Variants in KIF26B observed in about 807,000 individuals in gnomAD.
The protein encoded by KIF26B is kinesin family member 26B.
In KIF26B, 63 loss-of-function variants were observed where a neutral mutation model predicts 151.2. The observed-to-expected ratio is 0.42, with a 90% CI of 0.34 to 0.51. The LOEUF is 0.51. Among genes scored for constraint, KIF26B ranks in the 20% least tolerant of loss-of-function variants. The pLI is 0.07. For synonymous variants in KIF26B, 1,357 were observed against 1,262.1 expected (o/e 1.08, Z -1.59); for missense variants, 2,813 against 2,913.6 (o/e 0.97, Z 0.79).
chr1:245,536,221 G>C (rs1661485737), intron 4 of KIF26B, among the ~76,000 whole-genome samples: 1 of 152,144 alleles, frequency 6.6e-6, no homozygotes, highest in East Asian at 1.9e-4. Context: ...AATGGCTTAT[G>C]AAAGTATCTG....
Position 245,156,284 on chromosome 1 carries a change from G to T in KIF26B, c.66G>T (p.Val22=), listed in dbSNP as rs989265794. 61 of 1,546,598 alleles carry T rather than the reference G, an allele frequency of 3.9e-5. No individual in the cohort carries two copies. The highest frequency in any genetic ancestry group is 5.2e-5 in the Non-Finnish European group (60 of 1,145,970). The change falls in exon 2 of 15, where the codon GTG becomes GTT. Residue 22 remains valine (V), a splice_region_variant and synonymous_variant. Transcript: ENST00000407071. ...ACACCGGCGTGTCTTCCCCGCAGGT[G>T]AATGAAGTCTGCTCGCCCACCAAGC... The part of the protein sequence containing the change: ...AVSTRGKKYG[V]NEVCSPTKPA...
intron 2 of KIF26B, among the ~76,000 whole-genome samples, chr1:245,284,963 T>C (rs528393442): frequency 2.2e-4 from 33 of 152,316 alleles, no homozygotes; most frequent in Admixed American, 1.9e-3. Context: ...CACTTGAACC[T>C]GGGAGGTGGA....
At chr1:245,651,927 T>C (rs6669327) in intron 10 of KIF26B, among the ~76,000 whole-genome samples, 100,748 of 151,926 alleles carry the variant, frequency 0.66, 34,162 homozygotes, top group African/African-American at 0.79. Flanking sequence ...TGCGGAGCCA[T>C]GGCATTGAAT....
At chr1:245,162,084 G>A (rs61842078) in intron 2 of KIF26B, among the ~76,000 whole-genome samples, 1 of 152,232 alleles carries the variant, frequency 6.6e-6, no homozygotes, top group Non-Finnish European at 1.5e-5. Flanking sequence ...CTTCTGCGAG[G>A]AAGAGTTCTT....
Position 245,512,272 on chromosome 1 carries a change from T to C in KIF26B, c.1167-28495T>C, listed in dbSNP as rs1326573284. On this transcript the variant is annotated intron_variant, in intron 4 of 14. Coordinates refer to ENST00000407071, the MANE Select transcript of KIF26B (RefSeq NM_018012.4). The surrounding 1 kb of genome is among the most constrained non-coding windows in gnomAD (Gnocchi z 4.3). The stretch of plus-strand genomic sequence containing the variant: ...AGGCAGAGCTACTGTCCCTCCCACC[T>C]GTCCACCCTGCCTGTTTCCCAGCCC... 1.3e-5 allele frequency among the ~76,000 whole-genome samples: 2 copies of C among 151,008 alleles called. No individual in the cohort carries two copies. The highest frequency in any genetic ancestry group is 2.9e-5 in the Non-Finnish European group (2 of 67,806).
chr1:245,316,915 C>T (rs1458539164), intron 2 of KIF26B, among the ~76,000 whole-genome samples: 7 of 141,052 alleles, frequency 5.0e-5, no homozygotes, highest in East Asian at 4.0e-4. Flanking sequence ...AGAGTCCTGG[C>T]GCCTGGGCTG....
rs1197476488 is a variant in KIF26B, at chr1:245,495,171, A to T, written c.1167-45596A>T. On this transcript the variant is annotated intron_variant, in intron 4 of 14. Transcript: ENST00000407071. This position sits in a 1 kb window ranked among gnomAD's most constrained non-coding sequence, Gnocchi z 4.2. ...TTTAGTACAAGACAGATTCAGTGAA[A>T]TGGAATGCAAATCAGTTGAAAATAT... Among the ~76,000 whole-genome samples, 1 of 152,238 alleles carries T rather than the reference A, an allele frequency of 6.6e-6. No homozygotes were observed. The highest frequency in any genetic ancestry group is 1.5e-5 in the Non-Finnish European group (1 of 68,048).
intron 2 of KIF26B, among the ~76,000 whole-genome samples, chr1:245,196,977 A>G (rs978484975): frequency 6.6e-6 from 1 of 152,174 alleles, no homozygotes; most frequent in African/African-American, 2.4e-5. Context: ...CGGAAGAACA[A>G]TTTTGAGATA....
chr1:245,588,665 GA>G, intron 5 of KIF26B, among the ~76,000 whole-genome samples: 1 of 152,174 alleles, frequency 6.6e-6, no homozygotes, highest in East Asian at 1.9e-4. Flanking sequence ...GAAAATGAAG[GA>G]ACTCTTACGT....
intron 4 of KIF26B, among the ~76,000 whole-genome samples, chr1:245,436,106 G>C (rs1251000838): frequency 6.6e-6 from 1 of 151,938 alleles, no homozygotes. Flanking sequence ...GAACCTGGGA[G>C]GTGGAGGTTG....
At chr1:245,315,515 A>C (rs1249994491) in intron 2 of KIF26B, among the ~76,000 whole-genome samples, 1 of 152,062 alleles carries the variant, frequency 6.6e-6, no homozygotes, top group East Asian at 1.9e-4. Flanking sequence ...TGAGGTCAGG[A>C]GTTCAAGACC....
chr1:245,524,291 C>T (rs1258151619), intron 4 of KIF26B, among the ~76,000 whole-genome samples: 1 of 152,176 alleles, frequency 6.6e-6, no homozygotes, highest in Non-Finnish European at 1.5e-5. Flanking sequence ...TCACAACAGA[C>T]CCTTGAGGTA....
At chr1:245,198,708 T>C (rs1174012454) in intron 2 of KIF26B, among the ~76,000 whole-genome samples, 2 of 145,270 alleles carry the variant, frequency 1.4e-5, no homozygotes, top group Non-Finnish European at 3.0e-5. Context: ...GCCTGGGCAA[T>C]AGAGAGAGAC....
intron 3 of KIF26B, among the ~76,000 whole-genome samples, chr1:245,369,661 G>A (rs967571780): frequency 3.9e-5 from 6 of 152,240 alleles, no homozygotes; most frequent in Non-Finnish European, 8.8e-5. Context: ...CACACAGCCA[G>A]TGGCAGAACC....
chr1:245,312,206 G>A (rs1671678613), intron 2 of KIF26B, among the ~76,000 whole-genome samples: 1 of 152,118 alleles, frequency 6.6e-6, no homozygotes, highest in Admixed American at 6.5e-5. Context: ...GGTAAATATT[G>A]CTTAGACACC....
At position 245,702,367 on chromosome 1, in the gene KIF26B, ATGTGGGG is replaced by A; in HGVS notation, c.6179-90_6179-84del. The A allele has an allele frequency of 7.1e-7, 1 of 1,416,952 alleles. No individual in the cohort carries two copies. The highest frequency in any genetic ancestry group is 1.8e-5 in the Admixed American group (1 of 56,822). The allele number at this position is 1,416,952 out of a possible 1,614,324, so 87.8% of individuals were successfully genotyped here. ...ACTAGACCTTTAGACCAAGGGGTAGATGTGGGGGTGGCAGCTCCAGGCTGAGCCGTCG... is the reference window on the plus strand; with the variant it reads ...ACTAGACCTTTAGACCAAGGGGTAGAGTGGCAGCTCCAGGCTGAGCCGTCG... On this transcript the variant is annotated intron_variant, in intron 14 of 14. Coordinates refer to ENST00000407071, the MANE Select transcript of KIF26B (RefSeq NM_018012.4). The surrounding 1 kb of genome is among the most constrained non-coding windows in gnomAD (Gnocchi z 4.1).
chr1:245,396,677 A>G (rs1386655546), intron 3 of KIF26B, among the ~76,000 whole-genome samples: 1 of 151,994 alleles, frequency 6.6e-6, no homozygotes, highest in African/African-American at 2.4e-5. Flanking sequence ...CAACTATTTG[A>G]CTTTTGCTTT....
chr1:245,614,040 G>A (rs1485199776), intron 9 of KIF26B, among the ~76,000 whole-genome samples: 4 of 152,184 alleles, frequency 2.6e-5, no homozygotes, highest in African/African-American at 9.7e-5. Context: ...GAATGGACTC[G>A]TGTGGCCCAG....
chr1:245,466,278 A>G (rs755781064), intron 4 of KIF26B, among the ~76,000 whole-genome samples: 1 of 152,210 alleles, frequency 6.6e-6, no homozygotes, highest in Non-Finnish European at 1.5e-5. Context: ...TGAGTGAACA[A>G]ATGGCCTGCA....
Sources: gnomAD v4.1 joint callset for allele counts (sites outside exome capture counted in the v4.1 genomes callset) on GRCh38, gnomAD v4.1.1 for gene constraint, Gnocchi (gnomAD v3.1) non-coding constraint, MANE v1.5 for transcripts, NCBI Gene and HGNC (gene_info 2026-07-23, HGNC 2026-07-21) for gene names.